Variants in LPA observed in about 807,000 individuals in gnomAD.
LPA encodes apolipoprotein(a).
A neutral mutation model predicts 197.9 loss-of-function variants in LPA; 199 were observed. That is an observed-to-expected ratio of 1.01 (90% CI 0.90 to 1.13). The LOEUF is 1.13. LPA is among the 50% of genes most tolerant of loss of function. The probability of loss-of-function intolerance (pLI) is 0.00; values close to 1 mark genes in which losing one functional copy is unlikely to be tolerated. For missense variants in LPA, 1,853 were observed against 1,785.8 expected, an observed-to-expected ratio of 1.04 and a Z score of -0.68; for synonymous variants, 715 against 639.5, an observed-to-expected ratio of 1.12 and a Z score of -1.78.
intron 26 of LPA, among the ~76,000 whole-genome samples, chr6:160,584,588 TC>T (rs1175712975): frequency 6.6e-6 from 1 of 152,086 alleles, no homozygotes; most frequent in Non-Finnish European, 1.5e-5. Flanking sequence ...CGTCTTGTCC[TC>T]CCAAAGTGTT....
intron 26 of LPA, among the ~76,000 whole-genome samples, chr6:160,584,188 C>CTTCTTT (rs1778853014): frequency 1.3e-5 from 1 of 79,980 alleles, no homozygotes; most frequent in Non-Finnish European, 2.3e-5. Context: ...TCTTCTTCTT[C>CTTCTTT]TTCTTCTTCT....
intron 37 of LPA, among the ~76,000 whole-genome samples, chr6:160,536,983 A>C (rs1320307494): frequency 3.3e-5 from 5 of 152,214 alleles, no homozygotes; most frequent in African/African-American, 4.8e-5. Context: ...ATTAGAGCCA[A>C]GTGGTACAAA....
chr6:160,581,351 G>A, intron 26 of LPA, among the ~76,000 whole-genome samples: 1 of 152,292 alleles, frequency 6.6e-6, no homozygotes, highest in African/African-American at 2.4e-5. Context: ...CCAGGCTAAA[G>A]TTCAGTAGCA....
intron 29 of LPA, among the ~76,000 whole-genome samples, 175 bp downstream of exon 29, chr6:160,557,215 C>T (rs1450829036): frequency 6.6e-6 from 1 of 151,918 alleles, no homozygotes; most frequent in African/African-American, 2.4e-5. Context: ...CTGAAGTCAC[C>T]GCCCACGCAC....
At chr6:160,532,177 CATT>C (rs139081691) in intron 38 of LPA, among the ~76,000 whole-genome samples, 2,663 of 152,210 alleles carry the variant, frequency 0.017, 55 homozygotes, top group Middle Eastern at 0.061. Context: ...GCCTGGACAT[CATT>C]GTTAAGTGTG....
At chr6:160,581,147 T>A (rs1241493602) in intron 26 of LPA, among the ~76,000 whole-genome samples, 2 of 152,188 alleles carry the variant, frequency 1.3e-5, no homozygotes, top group Non-Finnish European at 2.9e-5. Context: ...TCTATGGCTA[T>A]CCAGTTGTTT....
intron 26 of LPA, among the ~76,000 whole-genome samples, chr6:160,584,697 A>T (rs1016550239): frequency 1.4e-4 from 22 of 152,092 alleles, no homozygotes; most frequent in Non-Finnish European, 2.8e-4. Flanking sequence ...GGAATGGAGG[A>T]TAGAATGATA....
At position 160,654,769 on chromosome 6, in the gene LPA, G is replaced by A. The variant is rs541662383; in HGVS notation, c.50-4272C>T. Reference sequence around the variant, plus strand: ...GGTCACATGATAAAGGAAAAATAAAGGAAATAAAATAAAGATATTTTCTTA... The same window carrying A: ...GGTCACATGATAAAGGAAAAATAAAAGAAATAAAATAAAGATATTTTCTTA... On this transcript the variant is annotated intron_variant, in intron 1 of 38. Coordinates refer to ENST00000316300, the MANE Select transcript of LPA (RefSeq NM_005577.4). Among the ~76,000 whole-genome samples the A allele has an allele frequency of 1.2e-4, 18 of 152,260 alleles. No individual in the cohort carries two copies. The East Asian group carries it at 3.3e-3, about 28-fold the overall frequency.
chr6:160,555,943 A>G, intron 30 of LPA, 82 bp downstream of exon 30: 1 of 1,202,658 alleles, frequency 8.3e-7, no homozygotes, highest in South Asian at 1.2e-5. Context: ...ATTTGTCCTA[A>G]CAAGTTAGCT....
At chr6:160,597,616 A>G (rs1779158795) in intron 20 of LPA, among the ~76,000 whole-genome samples, 1 of 152,186 alleles carries the variant, frequency 6.6e-6, no homozygotes, top group African/African-American at 2.4e-5. Flanking sequence ...ATACCTTTTA[A>G]TAGTCCTTTA....
In LPA at chr6:160,595,485, C is replaced by A. The variant is rs752669457; in HGVS notation, c.3338G>T (p.Trp1113Leu). 4.3e-6 allele frequency: 7 copies of A among 1,613,650 alleles called. No homozygotes were observed. The change falls in exon 21 of 39, where the codon TGG becomes TTG. Residue 1113 changes from tryptophan to leucine, a missense_variant. Physicochemically the swap from Trp to Leu is moderately conservative, Grantham distance 61. Transcript: ENST00000316300. ...CRNPDAEIRPWCYTMDPSVRW... is the reference protein window; with the variant it reads ...CRNPDAEIRPLCYTMDPSVRW... ...GACACTGGGATCCATGGTGTAACAC[C>A]AAGGGCGAATCTCAGCATCTGGATT... is the stretch of plus-strand genomic sequence containing the variant.
chr6:160,647,188 G>A (rs190881688), intron 2 of LPA, among the ~76,000 whole-genome samples: 1 of 152,112 alleles, frequency 6.6e-6, no homozygotes, highest in Non-Finnish European at 1.5e-5. Flanking sequence ...AAGAACAGTG[G>A]GTCCCATGGC....
intron 25 of LPA, among the ~76,000 whole-genome samples, chr6:160,586,093 C>T (rs1396981036): frequency 6.6e-6 from 1 of 152,190 alleles, no homozygotes; most frequent in Non-Finnish European, 1.5e-5. Context: ...ACACTGCCTA[C>T]TTGAAGAAAG....
At chr6:160,564,634 A>G (rs1778418583) in intron 28 of LPA, among the ~76,000 whole-genome samples, 1 of 152,198 alleles carries the variant, frequency 6.6e-6, no homozygotes, top group South Asian at 2.1e-4. Flanking sequence ...TACTGGGTTC[A>G]TCTCACCGGG....
chr6:160,536,657 A>C (rs1338863930), intron 37 of LPA, among the ~76,000 whole-genome samples: 1 of 152,186 alleles, frequency 6.6e-6, no homozygotes, highest in Admixed American at 6.5e-5. Flanking sequence ...GGTTTGTAGC[A>C]TTTAAATTTT....
intron 1 of LPA, among the ~76,000 whole-genome samples, chr6:160,659,550 T>C (rs1480139054): frequency 2.0e-5 from 3 of 152,236 alleles, no homozygotes; most frequent in Admixed American, 6.5e-5. Flanking sequence ...ATTCTTTCCC[T>C]GCTGTGTGCT....
intron 33 of LPA, among the ~76,000 whole-genome samples, chr6:160,544,765 G>T (rs1394939515): frequency 6.6e-6 from 1 of 152,140 alleles, no homozygotes; most frequent in Non-Finnish European, 1.5e-5. Flanking sequence ...AAGTACAAGT[G>T]GCTTTTTTTC....
intron 28 of LPA, among the ~76,000 whole-genome samples, chr6:160,576,384 A>G (rs9347417): frequency 0.33 from 23,903 of 72,954 alleles, 3,658 homozygotes; most frequent in East Asian, 0.65. Context: ...ATATATATAT[A>G]TATATGTATA....
chr6:160,597,926 T>G (rs1779164151), intron 20 of LPA, among the ~76,000 whole-genome samples: 1 of 152,176 alleles, frequency 6.6e-6, no homozygotes. Context: ...GTGTTGAGTT[T>G]TCTTCTAGAA....
Sources: gnomAD v4.1 joint callset for allele counts (sites outside exome capture counted in the v4.1 genomes callset) on GRCh38, gnomAD v4.1.1 for gene constraint, MANE v1.5 for transcripts, NCBI Gene and HGNC (gene_info 2026-07-23, HGNC 2026-07-21) for gene names.